The following SYT17 variants were observed in gnomAD, a reference collection of about 807,000 sequenced individuals.
SYT17 encodes synaptotagmin 17.
Under a neutral mutation model 46.7 loss-of-function variants are expected in SYT17, and 22 were observed. The observed-to-expected ratio is 0.47, with a 90% CI of 0.34 to 0.67. The LOEUF (loss-of-function observed/expected upper bound fraction) is 0.67, where lower values mean the gene tolerates loss of function less well. Ranked by LOEUF, SYT17 falls within the 30% of genes least tolerant of loss-of-function variation. SYT17 has a pLI of 0.01. For missense variants in SYT17, 519 were observed against 612.8 expected (o/e 0.85, Z 1.62); for synonymous variants, 251 against 248.4 (o/e 1.01, Z -0.10).
intron 5 of SYT17, among the ~76,000 whole-genome samples, chr16:19,184,665 G>A (rs1346687204): frequency 6.6e-6 from 1 of 151,822 alleles, no homozygotes; most frequent in Non-Finnish European, 1.5e-5. Flanking sequence ...TCACTCATGT[G>A]TGTGTCTTTC....
intron 7 of SYT17, among the ~76,000 whole-genome samples, chr16:19,266,324 T>C (rs1969352341): frequency 6.6e-6 from 1 of 152,218 alleles, no homozygotes; most frequent in African/African-American, 2.4e-5. Context: ...TTGTCACAGC[T>C]GTAGAGAGAG....
intron 7 of SYT17, among the ~76,000 whole-genome samples, chr16:19,240,412 TTC>T (rs1019684601): frequency 5.9e-5 from 9 of 152,190 alleles, no homozygotes; most frequent in Admixed American, 5.9e-4. Context: ...AGAGGGTAGC[TTC>T]TCTCTGCTAG....
At chr16:19,251,915 C>T (rs972136779) in intron 7 of SYT17, among the ~76,000 whole-genome samples, 2 of 152,060 alleles carry the variant, frequency 1.3e-5, no homozygotes, top group Non-Finnish European at 1.5e-5. Flanking sequence ...TACCGCTGTT[C>T]AAAACATGTT....
chr16:19,255,645 C>A (rs1488454399), intron 7 of SYT17, among the ~76,000 whole-genome samples: 1 of 151,948 alleles, frequency 6.6e-6, no homozygotes, highest in East Asian at 1.9e-4. Context: ...ATTAGCTGGG[C>A]GTGGTGAGGT....
At chr16:19,211,772 C>T (rs1256812905) in intron 5 of SYT17, among the ~76,000 whole-genome samples, 1 of 151,924 alleles carries the variant, frequency 6.6e-6, no homozygotes. Flanking sequence ...ACTACAGGCG[C>T]CCGCCACCAA....
chr16:19,228,334 G>C (rs563361018), intron 7 of SYT17, among the ~76,000 whole-genome samples: 1 of 152,252 alleles, frequency 6.6e-6, no homozygotes, highest in South Asian at 2.1e-4. Flanking sequence ...CAGAAGACCC[G>C]CTTCTCTCCT....
intron 1 of SYT17, chr16:19,172,422 T>A: frequency 7.0e-7 from 1 of 1,433,198 alleles, no homozygotes; most frequent in African/African-American, 1.4e-5. Context: ...GCTCTTCTCC[T>A]GAAGTGTGGC....
rs1045867333 is a variant in SYT17, at chr16:19,241,183, G to A, written c.1228+16345G>A. 4.6e-5 allele frequency among the ~76,000 whole-genome samples: 7 copies of A among 151,978 alleles called. 1 individual carries two copies. Among genetic ancestry groups the A allele is most frequent in the East Asian group, 1.9e-4 (1 of 5,142 alleles). On this transcript the variant is annotated intron_variant, in intron 7 of 7. Transcript: ENST00000355377. ...GGGATGGTCTCGATCTCCTGACCTC[G>A]TGATCCGCCCGCCTCGGCCTCCCAA...
intron 5 of SYT17, among the ~76,000 whole-genome samples, chr16:19,202,482 A>G (rs191789108): frequency 5.6e-4 from 85 of 152,280 alleles, no homozygotes; most frequent in African/African-American, 1.8e-3. Context: ...GCTAACCTAG[A>G]AGCTTTCTGA....
intron 5 of SYT17, among the ~76,000 whole-genome samples, chr16:19,198,429 T>G (rs1007652459): frequency 3.3e-5 from 5 of 152,196 alleles, no homozygotes; most frequent in Non-Finnish European, 7.3e-5. Context: ...CTTCCAGCAG[T>G]GTGACCTTGG....
intron 5 of SYT17, among the ~76,000 whole-genome samples, chr16:19,201,791 AC>A (rs1965477399): frequency 6.6e-6 from 1 of 152,054 alleles, no homozygotes; most frequent in African/African-American, 2.4e-5. Context: ...TGACTTGACC[AC>A]TGACACGTTC....
intron 7 of SYT17, among the ~76,000 whole-genome samples, chr16:19,261,262 C>T (rs149103467): frequency 6.6e-6 from 1 of 152,246 alleles, no homozygotes; most frequent in Admixed American, 6.5e-5. Context: ...TTCAGCTTCA[C>T]TTTATTATAA....
At chr16:19,213,561 C>A (rs1243030562) in intron 5 of SYT17, among the ~76,000 whole-genome samples, 1 of 152,184 alleles carries the variant, frequency 6.6e-6, no homozygotes, top group East Asian at 1.9e-4. Context: ...CAAGCTAAAC[C>A]TTTGAAGAGG....
At chr16:19,196,561 TA>T (rs1165557807) in intron 5 of SYT17, among the ~76,000 whole-genome samples, 4 of 141,412 alleles carry the variant, frequency 2.8e-5, no homozygotes, top group African/African-American at 8.0e-5. Context: ...TTTTTTTTTT[TA>T]AATGACTTTA....
At position 19,168,578 on chromosome 16, in the gene SYT17, G is replaced by T. The variant is rs1963954927; in HGVS notation, c.-69G>T. On this transcript the variant is annotated 5_prime_UTR_variant, in exon 1 of 8. Coordinates refer to ENST00000355377, the MANE Select transcript of SYT17 (RefSeq NM_016524.4). The surrounding 1 kb of genome is among the most constrained non-coding windows in gnomAD (Gnocchi z 6.9). ...TCCCCCTTTGCTTTCTTCCCCCTCCGCTGTTGGCGAGGGCAAAGTGGCCGT... is the reference window on the plus strand; with the variant it reads ...TCCCCCTTTGCTTTCTTCCCCCTCCTCTGTTGGCGAGGGCAAAGTGGCCGT... 1.3e-6 allele frequency: 2 copies of T among 1,540,660 alleles called. No homozygotes were observed. The highest frequency in any genetic ancestry group is 1.8e-6 in the Non-Finnish European group (2 of 1,141,466).
rs58878857 is a variant in SYT17 at position 19,232,040 on chromosome 16, G to C, written c.1228+7202G>C. ...TTAATCAGCAGAGAGGATTGCAGGGGATGCAGAGAGGTCGGCCGGGCTCCC... is the reference window on the plus strand; with the variant it reads ...TTAATCAGCAGAGAGGATTGCAGGGCATGCAGAGAGGTCGGCCGGGCTCCC... On this transcript the variant is annotated intron_variant, in intron 7 of 7. Coordinates refer to ENST00000355377, the MANE Select transcript of SYT17 (RefSeq NM_016524.4). Among the ~76,000 whole-genome samples the C allele has an allele frequency of 9.6e-3, 1,464 of 152,292 alleles. 27 individuals carry two copies. The highest frequency in any genetic ancestry group is 0.034 in the African/African-American group (1,396 of 41,556).
At chr16:19,174,572 C>T (rs1489377821) in intron 3 of SYT17, among the ~76,000 whole-genome samples, 1 of 152,186 alleles carries the variant, frequency 6.6e-6, no homozygotes, top group Non-Finnish European at 1.5e-5. Flanking sequence ...CTCATTTTCT[C>T]TTCTTAGAAG....
intron 7 of SYT17, among the ~76,000 whole-genome samples, chr16:19,227,870 G>A (rs1434599045): frequency 2.0e-5 from 3 of 152,174 alleles, no homozygotes; most frequent in East Asian, 1.9e-4. Flanking sequence ...CTGCCCTGGC[G>A]GAGCTTACCA....
At chr16:19,266,720 A>T (rs1207326620) in intron 7 of SYT17, among the ~76,000 whole-genome samples, 160 bp from the exon 8 acceptor site, 1 of 152,136 alleles carries the variant, frequency 6.6e-6, no homozygotes, top group Non-Finnish European at 1.5e-5. Context: ...TGGACTTCTC[A>T]CCAAGAAAAG....
Sources: gnomAD v4.1 joint callset for allele counts (sites outside exome capture counted in the v4.1 genomes callset) on GRCh38, gnomAD v4.1.1 for gene constraint, Gnocchi (gnomAD v3.1) non-coding constraint, MANE v1.5 for transcripts, NCBI Gene and HGNC (gene_info 2026-07-23, HGNC 2026-07-21) for gene names.